Variants in ZNF236 observed in about 807,000 individuals in gnomAD.
The protein encoded by ZNF236 is regulated by glucose.
ZNF236 carries 50 observed loss-of-function variants against 191.2 expected under a neutral mutation model. The ratio of observed to expected loss-of-function variants is 0.26; its 90% CI spans 0.21 to 0.33. The LOEUF (loss-of-function observed/expected upper bound fraction) is 0.33, where lower values mean the gene tolerates loss of function less well. Ranked by LOEUF, ZNF236 falls within the 10% of genes least tolerant of loss-of-function variation. The pLI, the probability that ZNF236 is intolerant of heterozygous loss-of-function variation, is 1.00. For synonymous variants in ZNF236, 907 were observed against 928.8 expected (o/e 0.98, Z 0.43); for missense variants, 1,754 against 2,374.5 (o/e 0.74, Z 5.43).
At position 76,925,069 on chromosome 18, in the gene ZNF236, A is replaced by G; in HGVS notation, c.3662-120A>G. 6.9e-7 allele frequency: 1 copy of G among 1,442,336 alleles called. No homozygotes were observed. Among genetic ancestry groups the G allele is most frequent in the Non-Finnish European group, 9.3e-7 (1 of 1,074,658 alleles). The allele number at this position is 1,442,336 out of a possible 1,614,324, so 89.3% of individuals were successfully genotyped here. On this transcript the variant is annotated intron_variant, in intron 21 of 30. Coordinates refer to ENST00000320610, the MANE Select transcript of ZNF236 (RefSeq NM_001306089.2). The surrounding 1 kb of genome is among the most constrained non-coding windows in gnomAD (Gnocchi z 5.7). ...CATCTTATAGGTGAAAGGGATTCTC[A>G]TTAAAGTACTTCCATCCACTGATTC...
chr18:76,962,826 G>GT (rs1334385039), intron 30 of ZNF236, among the ~76,000 whole-genome samples: 6 of 151,394 alleles, frequency 4.0e-5, no homozygotes, highest in Admixed American at 2.6e-4. Flanking sequence ...TTTTTGTTTT[G>GT]TTTTTTCCAG....
intron 3 of ZNF236, among the ~76,000 whole-genome samples, chr18:76,864,941 AG>A (rs1976364544): frequency 6.6e-6 from 1 of 152,192 alleles, no homozygotes; most frequent in African/African-American, 2.4e-5. Context: ...CAGGAAGGGA[AG>A]AAGAGAAGCA....
At chr18:76,833,943 G>A (rs886166233) in intron 1 of ZNF236, among the ~76,000 whole-genome samples, 2 of 151,910 alleles carry the variant, frequency 1.3e-5, no homozygotes, top group African/African-American at 2.4e-5. Context: ...CTCTCACCTC[G>A]GCCTCCCAAA....
intron 10 of ZNF236, among the ~76,000 whole-genome samples, chr18:76,897,075 A>G (rs572754795): frequency 6.6e-6 from 1 of 152,048 alleles, no homozygotes; most frequent in African/African-American, 2.4e-5. Flanking sequence ...ATGGTGCTGC[A>G]GACAGGTACT....
rs1207611452 is a variant in ZNF236, at chr18:76,969,602, T to G, written c.*1263T>G. 6.6e-6 allele frequency: 1 copy of G among 152,654 alleles called. No homozygotes were observed. The highest frequency in any genetic ancestry group is 1.9e-4 in the East Asian group (1 of 5,204). 9.5% of individuals were successfully genotyped at this position (152,654 alleles called of 1,614,324 possible). On this transcript the variant is annotated 3_prime_UTR_variant, in exon 31 of 31. Transcript: ENST00000320610. ...TAAATGGATATCTTTTTCATTGTCA[T>G]ATAAAGCTGGGTTTTATTTTTTTTT...
chr18:76,921,737 C>CTTTTTTTT (rs11380490), intron 20 of ZNF236, among the ~76,000 whole-genome samples: 125 of 97,988 alleles, frequency 1.3e-3, no homozygotes, highest in East Asian at 2.7e-3. Flanking sequence ...GTGGGATGTT[C>CTTTTTTTT]TTTTTTTTTT....
rs376313218 is a variant in ZNF236, at chr18:76,905,396, A to G, written c.2278A>G (p.Lys760Glu). The G allele has an allele frequency of 6.2e-7, 1 of 1,614,044 alleles. No homozygotes were observed. Among genetic ancestry groups the G allele is most frequent in the Non-Finnish European group, 8.5e-7 (1 of 1,179,904 alleles). ...KTFKTSLNCKKHMKTHRYELA... is the reference protein window; with the variant it reads ...KTFKTSLNCKEHMKTHRYELA... The stretch of plus-strand genomic sequence containing the variant: ...ATTTAAGACTTCACTAAATTGCAAA[A>G]AGCACATGAAAACCCACAGGTGGGT... Residue 760 changes from lysine (K) to glutamate (E), a missense_variant, in exon 13 of 31, where the codon AAG becomes GAG. Coordinates refer to ENST00000320610, the MANE Select transcript of ZNF236 (RefSeq NM_001306089.2).
chr18:76,963,559 G>A (rs1211453763), intron 30 of ZNF236, among the ~76,000 whole-genome samples: 1 of 152,108 alleles, frequency 6.6e-6, no homozygotes, highest in Admixed American at 6.6e-5. Flanking sequence ...TCCTGTCTTG[G>A]TTTTGGTTTT....
At chr18:76,900,995 G>T (rs371162437) in intron 11 of ZNF236, among the ~76,000 whole-genome samples, 2 of 152,154 alleles carry the variant, frequency 1.3e-5, no homozygotes, top group Non-Finnish European at 2.9e-5. Flanking sequence ...AATAGGGTTC[G>T]CACTCCTGTG....
chr18:76,899,094 C>T lies in ZNF236; in HGVS notation c.1766C>T (p.Ser589Phe). 4 of 1,614,176 alleles carry T rather than the reference C, an allele frequency of 2.5e-6. No homozygotes were observed. Among genetic ancestry groups the T allele is most frequent in the Non-Finnish European group, 3.4e-6 (4 of 1,180,014 alleles). The change falls in exon 11 of 31, where the codon TCC becomes TTC. Residue 589 changes from serine to phenylalanine, a missense_variant. Physicochemically the swap from Ser to Phe is radical, Grantham distance 155. This residue lies in a region of ZNF236 where 641 missense variants were observed against 869.6 expected (regional missense o/e 0.74). Transcript: ENST00000320610. Reference protein sequence around the residue: ...TSGHRKTHIASHFKHTELRKM... With the variant: ...TSGHRKTHIAFHFKHTELRKM... Reference sequence around the variant, plus strand: ...GGCCATAGGAAGACTCACATTGCTTCCCACTTTAAACATACGGAATTAAGG... The same window carrying T: ...GGCCATAGGAAGACTCACATTGCTTTCCACTTTAAACATACGGAATTAAGG...
In ZNF236 at chr18:76,845,501, A is replaced by G. The variant is rs181455984; in HGVS notation, c.56-4025A>G. On this transcript the variant is annotated intron_variant, in intron 1 of 30. Coordinates refer to ENST00000320610, the MANE Select transcript of ZNF236 (RefSeq NM_001306089.2). Reference sequence around the variant, plus strand: ...GAATACCTATTCTGACTTGGGAGGCATTAGGAATGTCTGCTGCTAAAAACC... The same window carrying G: ...GAATACCTATTCTGACTTGGGAGGCGTTAGGAATGTCTGCTGCTAAAAACC... Among the ~76,000 whole-genome samples, 9 of 152,252 alleles carry G rather than the reference A, an allele frequency of 5.9e-5. No individual in the cohort carries two copies. The East Asian group carries it at 1.7e-3, about 29-fold the overall frequency.
At chr18:76,853,344 G>C (rs1975938961) in intron 3 of ZNF236, among the ~76,000 whole-genome samples, 1 of 152,130 alleles carries the variant, frequency 6.6e-6, no homozygotes, top group Non-Finnish European at 1.5e-5. Flanking sequence ...CTCCCAAAAT[G>C]CTGGCATTAC....
Position 76,895,076 on chromosome 18 carries a change from G to A in ZNF236, c.1481G>A (p.Arg494His), listed in dbSNP as rs1286660473. ...TGTCCCTACTGCGCCAAGGAGTTCCGCAAGCCCAGCGACCTGGTCCGCCAC... is the reference window on the plus strand; with the variant it reads ...TGTCCCTACTGCGCCAAGGAGTTCCACAAGCCCAGCGACCTGGTCCGCCAC... ...HVCPYCAKEF[R>H]KPSDLVRHIR... The change falls in exon 10 of 31, where the codon CGC becomes CAC. Residue 494 changes from arginine (R) to histidine (H), a missense_variant. Physicochemically the swap from Arg to His is conservative, Grantham distance 29 (BLOSUM62 0). This residue lies in a region of ZNF236 where 641 missense variants were observed against 869.6 expected (regional missense o/e 0.74). Transcript: ENST00000320610. 1.9e-6 allele frequency: 3 copies of A among 1,611,598 alleles called. No individual in the cohort carries two copies. Among genetic ancestry groups the A allele is most frequent in the Admixed American group, 1.7e-5 (1 of 60,010 alleles).
chr18:76,963,030 G>A (rs773662841), intron 30 of ZNF236, among the ~76,000 whole-genome samples: 2 of 152,102 alleles, frequency 1.3e-5, no homozygotes, highest in African/African-American at 2.4e-5. Context: ...AACAGTGATA[G>A]TTTGACTTCC....
intron 3 of ZNF236, among the ~76,000 whole-genome samples, chr18:76,854,188 T>C (rs1345604398): frequency 6.6e-6 from 1 of 152,132 alleles, no homozygotes; most frequent in African/African-American, 2.4e-5. Context: ...GTTTTACTTA[T>C]CAATTTAAAA....
chr18:76,902,731 C>G (rs953681721), intron 11 of ZNF236, among the ~76,000 whole-genome samples: 1 of 152,028 alleles, frequency 6.6e-6, no homozygotes, highest in Non-Finnish European at 1.5e-5. Context: ...GCCACCATGC[C>G]TGGTAATTTT....
intron 10 of ZNF236, 87 bp downstream of exon 10, chr18:76,895,372 A>G: frequency 2.0e-6 from 3 of 1,529,760 alleles, no homozygotes; most frequent in Non-Finnish European, 2.6e-6. Context: ...CAGGTATGGC[A>G]CACAGTAGGC....
intron 28 of ZNF236, 121 bp from the exon 29 acceptor site, chr18:76,959,566 G>T: frequency 8.2e-7 from 1 of 1,215,846 alleles, no homozygotes; most frequent in East Asian, 2.6e-5. Context: ...ACAAATCACA[G>T]ATTAGCCTTT....
intron 27 of ZNF236, among the ~76,000 whole-genome samples, chr18:76,952,140 C>T (rs1050463555): frequency 6.6e-5 from 10 of 152,052 alleles, no homozygotes; most frequent in Admixed American, 5.2e-4. Flanking sequence ...GAGCATGTGC[C>T]GTTGGAAAAA....
Sources: gnomAD v4.1 joint callset for allele counts (sites outside exome capture counted in the v4.1 genomes callset) on GRCh38, gnomAD v4.1.1 for gene constraint, gnomAD v4.1.1 regional missense constraint, Gnocchi (gnomAD v3.1) non-coding constraint, MANE v1.5 for transcripts, NCBI Gene and HGNC (gene_info 2026-07-23, HGNC 2026-07-21) for gene names.